TMTC2: variants seen among roughly 807,000 people sequenced by gnomAD.
TMTC2 encodes the protein protein O-mannosyl-transferase TMTC2.
Under a neutral mutation model 82.4 loss-of-function variants are expected in TMTC2, and 43 were observed. The observed-to-expected ratio is 0.52, with a 90% confidence interval of 0.41 to 0.67. The LOEUF is 0.67. Ranked by LOEUF, TMTC2 falls within the 30% of genes least tolerant of loss-of-function variation. TMTC2 has a pLI of 0.00. For missense variants in TMTC2, 919 were observed against 1,012.4 expected (o/e 0.91, Z 1.25); for synonymous variants, 408 against 381.9 (o/e 1.07, Z -0.80).
intron 7 of TMTC2, among the ~76,000 whole-genome samples, chr12:82,968,036 T>C (rs149257775): frequency 3.4e-4 from 51 of 152,224 alleles, no homozygotes; most frequent in Non-Finnish European, 6.2e-4. Context: ...TTCTCTTTTT[T>C]ACAAAGGACA....
chr12:82,930,558 T>C lies in TMTC2; in HGVS notation c.1598+13T>C. The C allele has an allele frequency of 6.5e-7, 1 of 1,541,396 alleles. No individual in the cohort carries two copies. Among genetic ancestry groups the C allele is most frequent in the Non-Finnish European group, 8.9e-7 (1 of 1,123,876 alleles). On this transcript the variant is annotated intron_variant, in intron 4 of 11. Coordinates refer to ENST00000321196, the MANE Select transcript of TMTC2 (RefSeq NM_152588.3). ...TGCTTTATAATTTGTGAGTATGCCT[T>C]GCTTCTCTGGTTTGGTTCGTCTTTG...
intron 1 of TMTC2, among the ~76,000 whole-genome samples, chr12:82,790,907 A>G (rs1166048462): frequency 6.6e-6 from 1 of 152,034 alleles, no homozygotes; most frequent in African/African-American, 2.4e-5. Flanking sequence ...CCTTTAAAAA[A>G]GAAATATTCG....
intron 1 of TMTC2, among the ~76,000 whole-genome samples, chr12:82,692,693 GATACTT>G (rs1355674942): frequency 6.6e-6 from 1 of 152,128 alleles, no homozygotes; most frequent in Non-Finnish European, 1.5e-5. Flanking sequence ...ATCAGCTTTG[GATACTT>G]ATTTTAATGG....
Position 82,845,596 on chromosome 12 carries a change from T to A in TMTC2, c.84-11414T>A, listed in dbSNP as rs551300572. ...AAATTGAAACTCTGATACAGTATAG[T>A]ACGGTGAGAAGGAGGTGAGGTGTAC... On this transcript the variant is annotated intron_variant, in intron 1 of 11. Transcript: ENST00000321196. Among the ~76,000 whole-genome samples, 32 of 152,172 alleles carry A rather than the reference T, an allele frequency of 2.1e-4. 1 individual carries two copies. The highest frequency in any genetic ancestry group is 3.3e-4 in the Admixed American group (5 of 15,278).
intron 7 of TMTC2, among the ~76,000 whole-genome samples, chr12:82,977,556 A>G (rs1592670088): frequency 6.6e-6 from 1 of 151,894 alleles, no homozygotes; most frequent in African/African-American, 2.4e-5. Context: ...ATAACATCAG[A>G]TACTTGTCTC....
chr12:82,991,236 G>A (rs1015450550), intron 8 of TMTC2, among the ~76,000 whole-genome samples: 1 of 143,784 alleles, frequency 7.0e-6, no homozygotes, highest in Non-Finnish European at 1.6e-5. Flanking sequence ...TTTAAGTGTG[G>A]AGTTTTTTTT....
intron 1 of TMTC2, among the ~76,000 whole-genome samples, chr12:82,829,689 ATATAT>A (rs1869646263): frequency 1.3e-5 from 2 of 152,196 alleles, no homozygotes; most frequent in South Asian, 4.1e-4. Context: ...AATGCTGTTT[ATATAT>A]CATCATTCTT....
chr12:82,818,747 A>G (rs1868897944), intron 1 of TMTC2, among the ~76,000 whole-genome samples: 1 of 152,110 alleles, frequency 6.6e-6, no homozygotes, highest in Admixed American at 6.6e-5. Context: ...TGTTCAACCT[A>G]TTAGAATTTT....
At chr12:82,921,663 AT>A (rs1316403863) in intron 3 of TMTC2, among the ~76,000 whole-genome samples, 1 of 152,174 alleles carries the variant, frequency 6.6e-6, no homozygotes, top group Non-Finnish European at 1.5e-5. Flanking sequence ...TGGAAACTTC[AT>A]TGGGAAAAAA....
At chr12:83,068,855 C>T (rs1354312533) in intron 11 of TMTC2, among the ~76,000 whole-genome samples, 1 of 152,004 alleles carries the variant, frequency 6.6e-6, no homozygotes, top group Non-Finnish European at 1.5e-5. Flanking sequence ...TATCCCTCGC[C>T]CCCCTCCCAC....
intron 1 of TMTC2, among the ~76,000 whole-genome samples, chr12:82,757,909 C>T (rs962528520): frequency 3.9e-5 from 6 of 152,068 alleles, no homozygotes; most frequent in Admixed American, 3.9e-4. Flanking sequence ...TAGATAATGA[C>T]AAGAGAAGCC....
intron 2 of TMTC2, among the ~76,000 whole-genome samples, chr12:82,876,674 C>G (rs934483855): frequency 2.0e-5 from 3 of 152,002 alleles, no homozygotes; most frequent in African/African-American, 4.8e-5. Context: ...TTAAGTATAA[C>G]TTTATAATTG....
At chr12:82,865,888 G>C (rs1871823423) in intron 2 of TMTC2, among the ~76,000 whole-genome samples, 1 of 152,132 alleles carries the variant, frequency 6.6e-6, no homozygotes. Context: ...CATGGAAACA[G>C]AACAACCTGC....
chr12:83,064,985 A>T (rs1289229403), intron 11 of TMTC2, among the ~76,000 whole-genome samples: 1 of 151,924 alleles, frequency 6.6e-6, no homozygotes, highest in East Asian at 1.9e-4. Context: ...CTACACAGTA[A>T]TCTAATCTTA....
At chr12:83,053,596 GA>G (rs1393001879) in intron 10 of TMTC2, among the ~76,000 whole-genome samples, 1 of 152,040 alleles carries the variant, frequency 6.6e-6, no homozygotes, top group African/African-American at 2.4e-5. Flanking sequence ...GAAGAAGTGA[GA>G]TCCTGAGGCC....
At chr12:82,923,511 T>C (rs994012581) in intron 3 of TMTC2, among the ~76,000 whole-genome samples, 2 of 152,144 alleles carry the variant, frequency 1.3e-5, no homozygotes, top group Non-Finnish European at 2.9e-5. Context: ...CATTAATTTT[T>C]TTTTTACATT....
intron 10 of TMTC2, among the ~76,000 whole-genome samples, chr12:83,051,794 A>G (rs551552595): frequency 6.6e-6 from 1 of 152,130 alleles, no homozygotes; most frequent in Non-Finnish European, 1.5e-5. Flanking sequence ...TTTTCAGAAG[A>G]CTATTACAAA....
intron 10 of TMTC2, among the ~76,000 whole-genome samples, chr12:83,052,055 C>T (rs1045665131): frequency 3.3e-5 from 5 of 152,038 alleles, no homozygotes; most frequent in Non-Finnish European, 5.9e-5. Flanking sequence ...TAAATCCCTA[C>T]TTAAATGCTT....
intron 3 of TMTC2, among the ~76,000 whole-genome samples, chr12:82,921,423 G>A (rs1196685403): frequency 6.6e-6 from 1 of 152,140 alleles, no homozygotes; most frequent in Non-Finnish European, 1.5e-5. Context: ...TACCAAGGAT[G>A]TAGTAATTGT....
Sources: allele counts gnomAD v4.1 joint callset (sites outside exome capture counted in the v4.1 genomes callset), GRCh38; gene constraint gnomAD v4.1.1; transcripts MANE v1.5; gene names NCBI Gene and HGNC (gene_info 2026-07-23, HGNC 2026-07-21).